IGF2BP3: variants seen among roughly 807,000 people sequenced by gnomAD.
The protein encoded by IGF2BP3 is insulin-like growth factor 2 mRNA-binding protein 3.
In IGF2BP3, 9 loss-of-function variants were observed where a neutral mutation model predicts 73.8. The ratio of observed to expected loss-of-function variants is 0.12; its 90% CI spans 0.07 to 0.21. The LOEUF (loss-of-function observed/expected upper bound fraction) is 0.21, where lower values mean the gene tolerates loss of function less well. IGF2BP3 is among the 10% of genes least tolerant of loss of function. The pLI, the probability that IGF2BP3 is intolerant of heterozygous loss-of-function variation, is 1.00. For synonymous variants in IGF2BP3, 258 were observed against 256.7 expected (o/e 1.01, Z -0.05); for missense variants, 542 against 714.0 (o/e 0.76, Z 2.75).
rs549518442 is a variant in IGF2BP3 at position 23,328,935 on chromosome 7, C to T, written c.1204-9681G>A. 3.3e-5 allele frequency among the ~76,000 whole-genome samples: 5 copies of T among 152,206 alleles called. No homozygotes were observed. In the South Asian group the frequency reaches 8.3e-4, roughly 25 times the overall value. On this transcript the variant is annotated intron_variant, in intron 10 of 14. Coordinates refer to ENST00000258729, the MANE Select transcript of IGF2BP3 (RefSeq NM_006547.3). ...GTAAAAATTTAAAACAAGAGCCGGG[C>T]GCGGTGGCTCATGCCTGTAATCCCA...
chr7:23,320,947 C>CAAAAAAAAAAAAAAAAAAAAAA (rs70966008), intron 10 of IGF2BP3, among the ~76,000 whole-genome samples: 2 of 96,526 alleles, frequency 2.1e-5, no homozygotes, highest in African/African-American at 1.0e-4. Flanking sequence ...AACTCTGTCT[C>CAAAAAAAAAAAAAAAAAAAAAA]AAAAAAAAAA....
intron 2 of IGF2BP3, among the ~76,000 whole-genome samples, chr7:23,451,034 C>T (rs139373110): frequency 1.5e-4 from 23 of 152,288 alleles, no homozygotes; most frequent in Admixed American, 3.3e-4. Context: ...CAATACATGA[C>T]GACAAACTGA....
intron 6 of IGF2BP3, among the ~76,000 whole-genome samples, chr7:23,350,460 G>A (rs1047455980): frequency 6.6e-5 from 10 of 152,136 alleles, no homozygotes; most frequent in African/African-American, 2.2e-4. Context: ...AGCACGTTAC[G>A]GAGCTAGGTA....
intron 2 of IGF2BP3, among the ~76,000 whole-genome samples, chr7:23,421,319 A>G (rs764978106): frequency 2.6e-5 from 4 of 151,736 alleles, no homozygotes; most frequent in Non-Finnish European, 4.4e-5. Context: ...AGTATTTTCT[A>G]TAAAAGGTTT....
At chr7:23,357,802 C>T (rs915915511) in intron 5 of IGF2BP3, among the ~76,000 whole-genome samples, 1 of 152,242 alleles carries the variant, frequency 6.6e-6, no homozygotes, top group Non-Finnish European at 1.5e-5. Context: ...ATTTTAGCCA[C>T]AAGGTGGCAG....
chr7:23,341,192 C>G (rs910333728), intron 10 of IGF2BP3, among the ~76,000 whole-genome samples: 1 of 151,850 alleles, frequency 6.6e-6, no homozygotes, highest in African/African-American at 2.4e-5. Flanking sequence ...ACAAAATAAA[C>G]ATCTGCTTAA....
At chr7:23,361,654 T>C in intron 4 of IGF2BP3, 36 bp downstream of exon 4, 1 of 1,613,544 alleles carries the variant, frequency 6.2e-7, no homozygotes, top group Non-Finnish European at 8.5e-7. Context: ...ACTTCCTTCC[T>C]TTTACAAATT....
At chr7:23,378,242 G>C (rs1364002040) in intron 3 of IGF2BP3, among the ~76,000 whole-genome samples, 1 of 151,782 alleles carries the variant, frequency 6.6e-6, no homozygotes, top group Non-Finnish European at 1.5e-5. Flanking sequence ...GCCATTGGGA[G>C]AAAGACTTTT....
At chr7:23,461,381 T>A (rs1179032770) in intron 2 of IGF2BP3, among the ~76,000 whole-genome samples, 1 of 152,132 alleles carries the variant, frequency 6.6e-6, no homozygotes, top group Non-Finnish European at 1.5e-5. Context: ...CCCCCTGAGC[T>A]CCAAATTGAT....
chr7:23,450,635 T>C (rs1266032816), intron 2 of IGF2BP3: 1 of 152,166 alleles, frequency 6.6e-6, no homozygotes, highest in African/African-American at 2.4e-5. Flanking sequence ...ACATTGAAAC[T>C]AGACTTTAAA....
rs959977786 is a variant in IGF2BP3 at position 23,351,891 on chromosome 7, T to C, written c.402-305A>G. Among the ~76,000 whole-genome samples, 12 of 152,310 alleles carry C rather than the reference T, an allele frequency of 7.9e-5. No individual in the cohort carries two copies. The South Asian group carries it at 2.3e-3, about 29-fold the overall frequency. On this transcript the variant is annotated intron_variant, in intron 5 of 14. Transcript: ENST00000258729. Reference sequence around the variant, plus strand: ...AAACAAAAAACATTTTGTCAAACTCTTGGTTAAGTTTAACCCATAAGGTTA... The same window carrying C: ...AAACAAAAAACATTTTGTCAAACTCCTGGTTAAGTTTAACCCATAAGGTTA...
intron 2 of IGF2BP3, among the ~76,000 whole-genome samples, chr7:23,429,309 A>G (rs1269531639): frequency 6.6e-6 from 1 of 152,244 alleles, no homozygotes; most frequent in Non-Finnish European, 1.5e-5. Flanking sequence ...TAAGAACCCA[A>G]AAAAGTGCTT....
intron 2 of IGF2BP3, among the ~76,000 whole-genome samples, chr7:23,422,902 T>G (rs1787390730): frequency 6.6e-6 from 1 of 152,132 alleles, no homozygotes; most frequent in Non-Finnish European, 1.5e-5. Context: ...TTCAAGCAAT[T>G]CTCCTGCCTC....
At chr7:23,429,168 C>T (rs995844807) in intron 2 of IGF2BP3, among the ~76,000 whole-genome samples, 7 of 152,138 alleles carry the variant, frequency 4.6e-5, no homozygotes, top group Non-Finnish European at 8.8e-5. Flanking sequence ...AGAAAATACA[C>T]TTGGAAAGAA....
At chr7:23,457,295 C>T (rs1302365469) in intron 2 of IGF2BP3, among the ~76,000 whole-genome samples, 1 of 151,892 alleles carries the variant, frequency 6.6e-6, no homozygotes, top group South Asian at 2.1e-4. Flanking sequence ...AAAACTCCGT[C>T]TCTACCAAAA....
chr7:23,378,028 G>A (rs1328073944), intron 3 of IGF2BP3, among the ~76,000 whole-genome samples: 1 of 152,062 alleles, frequency 6.6e-6, no homozygotes, highest in Non-Finnish European at 1.5e-5. Context: ...TAAGATTAGT[G>A]GTGATACTTC....
At chr7:23,426,141 A>C (rs1360648391) in intron 2 of IGF2BP3, among the ~76,000 whole-genome samples, 1 of 152,002 alleles carries the variant, frequency 6.6e-6, no homozygotes, top group Non-Finnish European at 1.5e-5. Context: ...AGCCTGGCCA[A>C]CATCGTGAAA....
chr7:23,437,770 C>T (rs1787839834), intron 2 of IGF2BP3, among the ~76,000 whole-genome samples: 1 of 152,150 alleles, frequency 6.6e-6, no homozygotes, highest in South Asian at 2.1e-4. Context: ...AAGTAAAAAA[C>T]TATTCAGTGA....
At chr7:23,328,098 C>G (rs1016227555) in intron 10 of IGF2BP3, among the ~76,000 whole-genome samples, 2 of 152,182 alleles carry the variant, frequency 1.3e-5, no homozygotes, top group African/African-American at 2.4e-5. Context: ...CAATCCCACT[C>G]AAAAGTAGTT....
Sources: gnomAD v4.1 joint callset for allele counts (sites outside exome capture counted in the v4.1 genomes callset) on GRCh38, gnomAD v4.1.1 for gene constraint, MANE v1.5 for transcripts, NCBI Gene and HGNC (gene_info 2026-07-23, HGNC 2026-07-21) for gene names.